The following HCN1 variants were observed in gnomAD, a reference collection of about 807,000 sequenced individuals.
HCN1 encodes the protein potassium/sodium hyperpolarization-activated cyclic nucleotide-gated channel 1.
A neutral mutation model predicts 78.9 loss-of-function variants in HCN1; 13 were observed. That is an observed-to-expected ratio of 0.16 (90% CI 0.11 to 0.26). The LOEUF (loss-of-function observed/expected upper bound fraction) is 0.26, where lower values mean the gene tolerates loss of function less well. Ranked by LOEUF, HCN1 falls within the 10% of genes least tolerant of loss-of-function variation. HCN1 has a pLI of 1.00. For synonymous variants in HCN1, 552 were observed against 455.5 expected (o/e 1.21, Z -2.70); for missense variants, 810 against 1,154.3 (o/e 0.70, Z 4.32).
chr5:45,346,246 C>A (rs1286032861), intron 5 of HCN1, among the ~76,000 whole-genome samples: 1 of 152,174 alleles, frequency 6.6e-6, no homozygotes, highest in Non-Finnish European at 1.5e-5. Flanking sequence ...TCATTGACAA[C>A]TTTCAAATGA....
intron 3 of HCN1, among the ~76,000 whole-genome samples, chr5:45,398,964 T>C (rs1739742192): frequency 6.6e-6 from 1 of 152,252 alleles, no homozygotes; most frequent in Admixed American, 6.5e-5. Context: ...TAAACATTTA[T>C]TTTGTAATAA....
At chr5:45,521,451 A>G (rs1742612963) in intron 2 of HCN1, among the ~76,000 whole-genome samples, 1 of 151,930 alleles carries the variant, frequency 6.6e-6, no homozygotes, top group Non-Finnish European at 1.5e-5. Context: ...GTGAGGAAAA[A>G]TCTGTTCCAT....
chr5:45,482,119 C>G (rs1008980966), intron 2 of HCN1, among the ~76,000 whole-genome samples: 3 of 152,158 alleles, frequency 2.0e-5, no homozygotes, highest in African/African-American at 7.2e-5. Flanking sequence ...TAAACTCTGA[C>G]TCCACTATTA....
At chr5:45,334,496 T>C (rs539554842) in intron 5 of HCN1, among the ~76,000 whole-genome samples, 19 of 152,002 alleles carry the variant, frequency 1.2e-4, no homozygotes, top group African/African-American at 4.3e-4. Context: ...ACTTCCTACA[T>C]TTCTAGTATC....
At chr5:45,495,946 G>A (rs1173114754) in intron 2 of HCN1, among the ~76,000 whole-genome samples, 1 of 152,190 alleles carries the variant, frequency 6.6e-6, no homozygotes, top group Non-Finnish European at 1.5e-5. Flanking sequence ...TCCCAGGGAT[G>A]AAGCCCACTT....
intron 2 of HCN1, among the ~76,000 whole-genome samples, chr5:45,563,463 TAAATA>T (rs939121659): frequency 6.6e-6 from 1 of 151,434 alleles, no homozygotes; most frequent in African/African-American, 2.4e-5. Context: ...AAAAAATAAA[TAAATA>T]AAATAAAATA....
intron 4 of HCN1, among the ~76,000 whole-genome samples, chr5:45,356,481 T>C (rs1747009341): frequency 6.6e-6 from 1 of 151,996 alleles, no homozygotes; most frequent in Admixed American, 6.6e-5. Context: ...CCAGTCTCAC[T>C]TTTCCATGTT....
intron 3 of HCN1, among the ~76,000 whole-genome samples, chr5:45,400,034 A>T (rs2112043855): frequency 6.6e-6 from 1 of 152,260 alleles, no homozygotes; most frequent in African/African-American, 2.4e-5. Flanking sequence ...TAGATGGTCC[A>T]TGAACAAGAA....
intron 2 of HCN1, among the ~76,000 whole-genome samples, chr5:45,564,812 C>T (rs1056756799): frequency 8.5e-5 from 13 of 152,064 alleles, no homozygotes; most frequent in Admixed American, 2.6e-4. Flanking sequence ...GCCTGAATTA[C>T]GTCTGTTATT....
rs539195556 is a variant in HCN1, at chr5:45,638,955, A to G, written c.849+6230T>C. On this transcript the variant is annotated intron_variant, in intron 2 of 7. Transcript: ENST00000303230. ...TTACATTGTACATTAAAACTTCAGC[A>G]TATCTGTTAAGCTATCACATTAAAA... 2.0e-5 allele frequency among the ~76,000 whole-genome samples: 3 copies of G among 152,316 alleles called. No individual in the cohort carries two copies. The South Asian group carries it at 6.2e-4, about 32-fold the overall frequency.
At chr5:45,681,251 T>C (rs1223396113) in intron 1 of HCN1, among the ~76,000 whole-genome samples, 1 of 152,142 alleles carries the variant, frequency 6.6e-6, no homozygotes, top group Non-Finnish European at 1.5e-5. Flanking sequence ...TGAAGGTTTG[T>C]GTCACTTATT....
chr5:45,518,046 G>C (rs1373774196), intron 2 of HCN1, among the ~76,000 whole-genome samples: 2 of 152,004 alleles, frequency 1.3e-5, no homozygotes, highest in Non-Finnish European at 2.9e-5. Context: ...ATCAATTGTG[G>C]TTGATGACAT....
intron 4 of HCN1, among the ~76,000 whole-genome samples, chr5:45,395,568 C>G (rs1465082748): frequency 6.6e-6 from 1 of 152,098 alleles, no homozygotes; most frequent in African/African-American, 2.4e-5. Context: ...AAAGCAGTAA[C>G]TGAAAACTTC....
chr5:45,452,331 T>C (rs1190875708), intron 3 of HCN1, among the ~76,000 whole-genome samples: 1 of 150,842 alleles, frequency 6.6e-6, no homozygotes, highest in Non-Finnish European at 1.5e-5. Context: ...TTTTTTTTTT[T>C]GTTTTTTTTT....
chr5:45,480,682 G>A (rs1741630939), intron 2 of HCN1, among the ~76,000 whole-genome samples: 1 of 152,126 alleles, frequency 6.6e-6, no homozygotes, highest in Admixed American at 6.5e-5. Flanking sequence ...CAATAAATAT[G>A]TTTTTAAACT....
intron 4 of HCN1, among the ~76,000 whole-genome samples, chr5:45,383,424 G>A (rs549298940): frequency 1.7e-3 from 265 of 152,240 alleles, no homozygotes; most frequent in Non-Finnish European, 3.3e-3. Context: ...GGCTGGGCAC[G>A]ATGGCTCATG....
At chr5:45,664,520 A>C (rs13184104) in intron 1 of HCN1, among the ~76,000 whole-genome samples, 2 of 151,428 alleles carry the variant, frequency 1.3e-5, no homozygotes, top group African/African-American at 4.9e-5. Context: ...CAACCTACAA[A>C]ATGGGAGAAA....
chr5:45,381,084 A>C (rs960884710), intron 4 of HCN1, among the ~76,000 whole-genome samples: 1 of 152,160 alleles, frequency 6.6e-6, no homozygotes, highest in African/African-American at 2.4e-5. Flanking sequence ...TCAATTTCTT[A>C]AAGTTAATTT....
intron 2 of HCN1, among the ~76,000 whole-genome samples, chr5:45,501,224 T>A (rs1435420968): frequency 6.6e-6 from 1 of 152,114 alleles, no homozygotes; most frequent in Non-Finnish European, 1.5e-5. Context: ...ATATTATACT[T>A]GAGAGAAAAT....
Sources: allele counts gnomAD v4.1 joint callset (sites outside exome capture counted in the v4.1 genomes callset), GRCh38; gene constraint gnomAD v4.1.1; transcripts MANE v1.5; gene names NCBI Gene and HGNC (gene_info 2026-07-23, HGNC 2026-07-21).